TCERG1L: variants seen among roughly 807,000 people sequenced by gnomAD.
The protein encoded by TCERG1L is transcription elongation regulator 1 like.
A neutral mutation model predicts 56.3 loss-of-function variants in TCERG1L; 37 were observed. That is an observed-to-expected ratio of 0.66 (90% CI 0.51 to 0.87). TCERG1L has a LOEUF of 0.87. Among genes scored for constraint, TCERG1L ranks in the 40% least tolerant of loss-of-function variants. The pLI, the probability that TCERG1L is intolerant of heterozygous loss-of-function variation, is 0.00. For synonymous variants in TCERG1L, 324 were observed against 326.3 expected (o/e 0.99, Z 0.08); for missense variants, 799 against 774.2 (o/e 1.03, Z -0.38).
At chr10:131,134,487 A>G in intron 7 of TCERG1L, 39 bp from the exon 8 acceptor site, 1 of 1,548,514 alleles carries the variant, frequency 6.5e-7, no homozygotes, top group South Asian at 1.2e-5. Flanking sequence ...GAGTTGTCAG[A>G]GCTCAGGGCT....
chr10:131,274,329 A>C (rs1460992452), intron 3 of TCERG1L, among the ~76,000 whole-genome samples: 2 of 152,200 alleles, frequency 1.3e-5, no homozygotes, highest in East Asian at 3.9e-4. Context: ...GCACCTGCTC[A>C]AGGCAGCCAG....
intron 4 of TCERG1L, among the ~76,000 whole-genome samples, chr10:131,181,138 T>G (rs2944534): frequency 0.48 from 73,727 of 152,112 alleles, 19,272 homozygotes; most frequent in African/African-American, 0.69. Context: ...CGTGGTTGAA[T>G]CACAGCCTCC....
At chr10:131,257,046 AAAGAAAGAAAAG>A (rs1846180080) in intron 4 of TCERG1L, among the ~76,000 whole-genome samples, 1 of 145,410 alleles carries the variant, frequency 6.9e-6, no homozygotes, top group Non-Finnish European at 1.5e-5. Flanking sequence ...AGAAAGAAAG[AAAGAAAGAAAAG>A]AAAGAAAGAA....
Position 131,118,616 on chromosome 10 carries a change from G to A in TCERG1L, c.1260-1682C>T, listed in dbSNP as rs1442453265. Among the ~76,000 whole-genome samples, 1 of 152,064 alleles carries A rather than the reference G, an allele frequency of 6.6e-6. No homozygotes were observed. The highest frequency in any genetic ancestry group is 1.5e-5 in the Non-Finnish European group (1 of 68,022). On this transcript the variant is annotated intron_variant, in intron 8 of 11. Transcript: ENST00000368642. The surrounding 1 kb of genome is among the most constrained non-coding windows in gnomAD (Gnocchi z 4.2). Reference sequence around the variant, plus strand: ...ATCTGACTCAGCAAGAATCTGCTGAGGTTGGTTCAGCCAAAACCCCCCGAT... The same window carrying A: ...ATCTGACTCAGCAAGAATCTGCTGAAGTTGGTTCAGCCAAAACCCCCCGAT...
intron 4 of TCERG1L, among the ~76,000 whole-genome samples, chr10:131,249,222 G>T (rs1589761340): frequency 6.6e-6 from 1 of 152,366 alleles, no homozygotes; most frequent in East Asian, 1.9e-4. Flanking sequence ...ACAGTCCATT[G>T]TCTTAAGCAG....
chr10:131,201,910 G>A (rs1448542886), intron 4 of TCERG1L, among the ~76,000 whole-genome samples: 4 of 152,162 alleles, frequency 2.6e-5, no homozygotes, highest in Non-Finnish European at 4.4e-5. Context: ...CAGAGACGAG[G>A]AAAGAGCCAA....
chr10:131,272,167 C>T (rs945123841), intron 3 of TCERG1L, among the ~76,000 whole-genome samples: 13 of 152,116 alleles, frequency 8.5e-5, no homozygotes, highest in African/African-American at 1.9e-4. Context: ...CTGAGAACAC[C>T]GTGTCTTGCG....
chr10:131,111,877 A>G (rs1159768384), intron 9 of TCERG1L, among the ~76,000 whole-genome samples: 1 of 143,376 alleles, frequency 7.0e-6, no homozygotes, highest in Non-Finnish European at 1.6e-5. Flanking sequence ...CAGCTGCCAA[A>G]TAAGACACCG....
chr10:131,132,573 C>T (rs571497611), intron 8 of TCERG1L, among the ~76,000 whole-genome samples: 22 of 152,342 alleles, frequency 1.4e-4, no homozygotes, highest in African/African-American at 4.6e-4. Context: ...CCACATTCCA[C>T]GTTTCCTGTG....
At chr10:131,290,440 T>C (rs1237970660) in intron 3 of TCERG1L, among the ~76,000 whole-genome samples, 1 of 152,142 alleles carries the variant, frequency 6.6e-6, no homozygotes, top group Non-Finnish European at 1.5e-5. Flanking sequence ...GAGACCAGCC[T>C]GACCAACATG....
chr10:131,109,588 G>A (rs988603993), intron 9 of TCERG1L, among the ~76,000 whole-genome samples: 1 of 152,144 alleles, frequency 6.6e-6, no homozygotes, highest in African/African-American at 2.4e-5. Flanking sequence ...GACTCTGTCC[G>A]AGGACCGTGT....
rs866603236 is a variant in TCERG1L, at chr10:131,112,910, C to T, written c.1395+3889G>A. 1.2e-4 allele frequency among the ~76,000 whole-genome samples: 17 copies of T among 142,178 alleles called. 2 individuals carry two copies. Among genetic ancestry groups the T allele is most frequent in the African/African-American group, 4.2e-4 (17 of 40,358 alleles). The allele number at this position is 142,178 out of a possible 152,430, so 93.3% of individuals were successfully genotyped here. A position where few individuals can be genotyped will look rare whatever the true frequency, so the allele number is the denominator to read the frequency against. On this transcript the variant is annotated intron_variant, in intron 9 of 11. Transcript: ENST00000368642. The stretch of plus-strand genomic sequence containing the variant: ...CCCCCGTCCCTCCTCGGTTGAGGGT[C>T]GCCCTTGGGGTGTTCAATCCCTAGC...
At chr10:131,232,488 G>A (rs1012406166) in intron 4 of TCERG1L, among the ~76,000 whole-genome samples, 11 of 152,236 alleles carry the variant, frequency 7.2e-5, no homozygotes, top group Non-Finnish European at 2.9e-5. Context: ...GAGATGCCCC[G>A]AGATGCCTGT....
At chr10:131,292,378 G>A (rs1218475617) in intron 3 of TCERG1L, among the ~76,000 whole-genome samples, 1 of 152,146 alleles carries the variant, frequency 6.6e-6, no homozygotes, top group East Asian at 1.9e-4. Context: ...ATAATATGAT[G>A]CTGTTGATGA....
chr10:131,284,662 T>C (rs1326737257), intron 3 of TCERG1L, among the ~76,000 whole-genome samples: 1 of 152,144 alleles, frequency 6.6e-6, no homozygotes, highest in Non-Finnish European at 1.5e-5. Flanking sequence ...CAAGTACTTT[T>C]TTTGAATGAG....
chr10:131,263,435 G>T (rs1846252168), intron 3 of TCERG1L, among the ~76,000 whole-genome samples: 1 of 152,126 alleles, frequency 6.6e-6, no homozygotes, highest in Non-Finnish European at 1.5e-5. Flanking sequence ...CAGTTGTTTG[G>T]CCTGGCTGTG....
intron 4 of TCERG1L, among the ~76,000 whole-genome samples, chr10:131,256,984 GGAAGGAAGGAAA>G (rs1454870346): frequency 0.02 from 1,774 of 87,490 alleles, 13 homozygotes; most frequent in Non-Finnish European, 0.027. Context: ...AAGGAAGGAA[GGAAGGAAGGAAA>G]GAAAGAAAGA....
intron 4 of TCERG1L, among the ~76,000 whole-genome samples, chr10:131,220,290 C>G (rs1845715849): frequency 6.6e-6 from 1 of 152,202 alleles, no homozygotes; most frequent in Non-Finnish European, 1.5e-5. Context: ...TGGTTGGTCT[C>G]CACTCACCCC....
At chr10:131,183,150 G>A (rs896721557) in intron 4 of TCERG1L, among the ~76,000 whole-genome samples, 1 of 152,170 alleles carries the variant, frequency 6.6e-6, no homozygotes, top group Non-Finnish European at 1.5e-5. Context: ...TTTTTCAAAC[G>A]ACGGGGAGGG....
Sources: gnomAD v4.1 joint callset for allele counts (sites outside exome capture counted in the v4.1 genomes callset) on GRCh38, gnomAD v4.1.1 for gene constraint, Gnocchi (gnomAD v3.1) non-coding constraint, MANE v1.5 for transcripts, NCBI Gene and HGNC (gene_info 2026-07-23, HGNC 2026-07-21) for gene names.